BCO1: variants seen among roughly 807,000 people sequenced by gnomAD.
BCO1 encodes beta,beta-carotene 15,15'-dioxygenase.
Under a neutral mutation model 56.3 loss-of-function variants are expected in BCO1, and 54 were observed. The observed-to-expected ratio is 0.96, with a 90% CI of 0.77 to 1.20. BCO1 has a LOEUF of 1.20. BCO1 is among the 50% of genes most tolerant of loss of function. The pLI is 0.00. For missense variants in BCO1, 801 were observed against 690.9 expected (o/e 1.16, Z -1.79); for synonymous variants, 318 against 266.1 (o/e 1.20, Z -1.90).
intron 10 of BCO1, among the ~76,000 whole-genome samples, chr16:81,289,019 T>C (rs945361736): frequency 6.6e-6 from 1 of 152,226 alleles, no homozygotes; most frequent in Non-Finnish European, 1.5e-5. Context: ...GGACACTTCC[T>C]TTACATTCTC....
chr16:81,256,666 T>C (rs913898284), intron 2 of BCO1, among the ~76,000 whole-genome samples: 27 of 152,100 alleles, frequency 1.8e-4, no homozygotes, highest in Non-Finnish European at 2.8e-4. Context: ...GGCAGGCAGT[T>C]CACCCGAGCT....
At chr16:81,263,595 G>A (rs533461867) in intron 4 of BCO1, 1 of 152,272 alleles carries the variant, frequency 6.6e-6, no homozygotes, top group South Asian at 2.1e-4. Context: ...TTGGCACTGA[G>A]GGAGTTCACT....
chr16:81,256,012 C>T (rs1451214764), intron 2 of BCO1, among the ~76,000 whole-genome samples: 1 of 151,778 alleles, frequency 6.6e-6, no homozygotes, highest in South Asian at 2.1e-4. Context: ...GATGGAGTTT[C>T]CCCATGTTGG....
At chr16:81,244,960 G>A (rs995497850) in intron 1 of BCO1, among the ~76,000 whole-genome samples, 7 of 151,930 alleles carry the variant, frequency 4.6e-5, no homozygotes, top group Middle Eastern at 6.3e-3. Context: ...GTACAATCTC[G>A]GCTCGCTGCA....
chr16:81,286,053 T>TAA (rs35518582), intron 9 of BCO1, among the ~76,000 whole-genome samples: 443 of 150,214 alleles, frequency 2.9e-3, no homozygotes, highest in Non-Finnish European at 4.5e-3. Flanking sequence ...CCTTTTTATT[T>TAA]AAAAAAAAAA....
At chr16:81,258,637 A>C (rs1906294291) in intron 2 of BCO1, among the ~76,000 whole-genome samples, 1 of 152,226 alleles carries the variant, frequency 6.6e-6, no homozygotes, top group African/African-American at 2.4e-5. Flanking sequence ...CAGCACTCTC[A>C]GATGGGTGAC....
chr16:81,277,319 A>G (rs1262961838), intron 7 of BCO1, among the ~76,000 whole-genome samples: 2 of 152,040 alleles, frequency 1.3e-5, no homozygotes, highest in African/African-American at 2.4e-5. Context: ...CTTCATCACA[A>G]TGTTCTAAGT....
chr16:81,270,130 C>T (rs1469403862), intron 6 of BCO1, 29 bp from the exon 7 acceptor site: 1 of 1,613,742 alleles, frequency 6.2e-7, no homozygotes, highest in African/African-American at 1.3e-5. Flanking sequence ...AGAGGGTGAG[C>T]TGAGCCCTTG....
intron 10 of BCO1, among the ~76,000 whole-genome samples, chr16:81,289,927 C>T (rs986337942): frequency 1.3e-5 from 2 of 152,194 alleles, no homozygotes; most frequent in Admixed American, 6.5e-5. Flanking sequence ...TGCAATGGCA[C>T]GATCTCGGCT....
intron 2 of BCO1, among the ~76,000 whole-genome samples, chr16:81,252,246 TTTTTGTTTTGTTTTG>T (rs925357935): frequency 6.6e-6 from 1 of 151,664 alleles, no homozygotes; most frequent in African/African-American, 2.4e-5. Flanking sequence ...TGGGTGTGTG[TTTTTGTTTTGTTTTG>T]TTTTGTTTTG....
At chr16:81,255,577 G>A (rs942781597) in intron 2 of BCO1, among the ~76,000 whole-genome samples, 7 of 151,024 alleles carry the variant, frequency 4.6e-5, no homozygotes, top group African/African-American at 1.7e-4. Flanking sequence ...TCAGCTCACT[G>A]CAACCTCTGC....
In BCO1 at chr16:81,259,929, C is replaced by G; in HGVS notation, c.323+124C>G. ...TAGATGAAAACTCCACATGACTGCC[C>G]TTTAACCAGAGGTGCTACACAGTTC... On this transcript the variant is annotated intron_variant, in intron 3 of 10. Coordinates refer to ENST00000258168, the MANE Select transcript of BCO1 (RefSeq NM_017429.3). 5 of 1,218,848 alleles carry G rather than the reference C, an allele frequency of 4.1e-6. No homozygotes were observed. In the Admixed American group the frequency reaches 5.2e-5, roughly 13 times the overall value. 75.5% of individuals were successfully genotyped at this position (1,218,848 alleles called of 1,614,324 possible).
chr16:81,250,282 A>G (rs1369314221), intron 2 of BCO1, among the ~76,000 whole-genome samples: 3 of 152,100 alleles, frequency 2.0e-5, no homozygotes, highest in African/African-American at 4.8e-5. Context: ...CCATTGTGCA[A>G]TTCAGCCCTG....
intron 3 of BCO1, among the ~76,000 whole-genome samples, chr16:81,260,759 T>C (rs1346414496): frequency 1.3e-5 from 2 of 152,220 alleles, no homozygotes; most frequent in African/African-American, 4.8e-5. Flanking sequence ...TCCACCCACC[T>C]TGGCATCCCA....
At chr16:81,248,230 C>T (rs988759184) in intron 2 of BCO1, among the ~76,000 whole-genome samples, 3 of 150,956 alleles carry the variant, frequency 2.0e-5, no homozygotes, top group Non-Finnish European at 3.0e-5. Context: ...GGTGAAACCC[C>T]GTCTCTACTA....
chr16:81,252,466 G>A (rs1042039671), intron 2 of BCO1, among the ~76,000 whole-genome samples: 1 of 152,132 alleles, frequency 6.6e-6, no homozygotes, highest in Admixed American at 6.6e-5. Flanking sequence ...ATGTTGGTCA[G>A]GCTGGTCTTG....
Position 81,268,001 on chromosome 16 carries a change from G to C in BCO1, c.713G>C (p.Ser238Thr). ...CTGCTCTCCCCAAGCTACTACCACA[G>C]CTTTGGAGTCACCGAGAACTATGTC... ...RSLLSPSYYH[S>T]FGVTENYVIF... The change falls in exon 6 of 11, where the codon AGC becomes ACC. Residue 238 changes from serine (S) to threonine (T), a missense_variant. By Grantham distance (58) the Ser-to-Thr change is moderately conservative. Coordinates refer to ENST00000258168, the MANE Select transcript of BCO1 (RefSeq NM_017429.3). 6.2e-7 allele frequency: 1 copy of C among 1,613,970 alleles called. No homozygotes were observed.
At chr16:81,243,380 T>G (rs1466363334) in intron 1 of BCO1, among the ~76,000 whole-genome samples, 1 of 152,216 alleles carries the variant, frequency 6.6e-6, no homozygotes, top group Non-Finnish European at 1.5e-5. Context: ...TTCTGCAGTT[T>G]CATTGCTTAC....
In BCO1 at chr16:81,285,639, T is replaced by C. The variant is rs200504527; in HGVS notation, c.1302+5T>C. ...TGGAGTCCAATCCCAACCAAGGTAC[T>C]GGTCTCTGTGTATTCACAAGCCTTT... On this transcript the variant is annotated splice_donor_5th_base_variant and intron_variant, in intron 9 of 10. Coordinates refer to ENST00000258168, the MANE Select transcript of BCO1 (RefSeq NM_017429.3). 2,084 of 1,579,132 alleles carry C rather than the reference T, an allele frequency of 1.3e-3. 3 individuals are homozygous for C. Among genetic ancestry groups the C allele is most frequent in the Non-Finnish European group, 1.7e-3 (1,958 of 1,148,024 alleles).
Sources: allele counts gnomAD v4.1 joint callset (sites outside exome capture counted in the v4.1 genomes callset), GRCh38; gene constraint gnomAD v4.1.1; transcripts MANE v1.5; gene names NCBI Gene and HGNC (gene_info 2026-07-23, HGNC 2026-07-21).